The following EHBP1 variants were observed in gnomAD, a reference collection of about 807,000 sequenced individuals.
The protein encoded by EHBP1 is EH domain-binding protein 1.
Under a neutral mutation model 144.0 loss-of-function variants are expected in EHBP1, and 55 were observed. That is an observed-to-expected ratio of 0.38 (90% CI 0.31 to 0.48). The LOEUF is 0.48. EHBP1 is among the 20% of genes least tolerant of loss of function. EHBP1 has a pLI of 0.98. For synonymous variants in EHBP1, 469 were observed against 472.7 expected, an observed-to-expected ratio of 0.99 and a Z score of 0.10; for missense variants, 1,200 against 1,364.2, an observed-to-expected ratio of 0.88 and a Z score of 1.90.
chr2:62,735,979 C>G (rs941836962), intron 2 of EHBP1, among the ~76,000 whole-genome samples: 2 of 151,692 alleles, frequency 1.3e-5, no homozygotes, highest in Non-Finnish European at 2.9e-5. Context: ...ATGGATATGC[C>G]TAAGTGTAGG....
intron 2 of EHBP1, among the ~76,000 whole-genome samples, chr2:62,707,709 C>T (rs2034738257): frequency 6.6e-6 from 1 of 152,064 alleles, no homozygotes; most frequent in Non-Finnish European, 1.5e-5. Context: ...AGTCTATATT[C>T]TTGTGGGGTG....
intron 19 of EHBP1, among the ~76,000 whole-genome samples, chr2:63,011,005 C>G (rs1226829848): frequency 6.6e-6 from 1 of 151,368 alleles, no homozygotes; most frequent in African/African-American, 2.4e-5. Context: ...AAAACTGAGG[C>G]CAACAAATAA....
chr2:62,698,404 A>G (rs572127608), intron 1 of EHBP1, among the ~76,000 whole-genome samples: 1 of 152,234 alleles, frequency 6.6e-6, no homozygotes. Flanking sequence ...GGGCTCTCTC[A>G]ATATAGGTAA....
chr2:62,950,298 A>G (rs1009769638), intron 13 of EHBP1, among the ~76,000 whole-genome samples: 10 of 152,174 alleles, frequency 6.6e-5, no homozygotes, highest in African/African-American at 2.4e-4. Context: ...GTTTGCCTTT[A>G]TCACTCTCAT....
chr2:62,878,087 C>A (rs190487561), intron 10 of EHBP1, among the ~76,000 whole-genome samples: 1 of 152,098 alleles, frequency 6.6e-6, no homozygotes, highest in East Asian at 1.9e-4. Context: ...ACAGACTGCT[C>A]GTTAGGCTAG....
chr2:62,730,916 C>A (rs370328537), intron 2 of EHBP1, among the ~76,000 whole-genome samples: 33 of 139,592 alleles, frequency 2.4e-4, no homozygotes, highest in African/African-American at 7.8e-4. Context: ...GTGAGAGAGA[C>A]AGGTAGAGAG....
chr2:62,729,870 G>T (rs556011609), intron 2 of EHBP1, among the ~76,000 whole-genome samples: 10 of 151,766 alleles, frequency 6.6e-5, no homozygotes, highest in Non-Finnish European at 1.2e-4. Flanking sequence ...TTGTTGTCCT[G>T]AGGTTTTTGC....
At chr2:62,985,821 T>A (rs2059163853) in intron 15 of EHBP1, among the ~76,000 whole-genome samples, 1 of 152,214 alleles carries the variant, frequency 6.6e-6, no homozygotes, top group African/African-American at 2.4e-5. Flanking sequence ...AATCTCTTTA[T>A]CTTTTGAATT....
At chr2:62,874,018 C>T (rs1302161706) in intron 9 of EHBP1, among the ~76,000 whole-genome samples, 1 of 152,124 alleles carries the variant, frequency 6.6e-6, no homozygotes, top group African/African-American at 2.4e-5. Context: ...TTTTTTACAT[C>T]TTACTTCCTT....
intron 19 of EHBP1, among the ~76,000 whole-genome samples, chr2:63,017,520 C>A (rs1007527085): frequency 1.5e-4 from 23 of 152,146 alleles, no homozygotes; most frequent in African/African-American, 5.6e-4. Flanking sequence ...CATTTGCAAC[C>A]AAACACTTGG....
chr2:62,874,593 T>A, intron 10 of EHBP1, 61 bp downstream of exon 10: 2 of 1,392,100 alleles, frequency 1.4e-6, no homozygotes, highest in Non-Finnish European at 1.9e-6. Context: ...CCGTGCCATT[T>A]AATTTAAATT....
intron 7 of EHBP1, 139 bp downstream of exon 7, chr2:62,831,297 C>G: frequency 2.6e-6 from 2 of 771,638 alleles, no homozygotes; most frequent in Non-Finnish European, 4.0e-6. Flanking sequence ...TAAAATATAC[C>G]ATTTAGTTCT....
chr2:62,937,440 A>G (rs1368593732), intron 10 of EHBP1, among the ~76,000 whole-genome samples: 2 of 152,248 alleles, frequency 1.3e-5, no homozygotes, highest in East Asian at 1.9e-4. Context: ...TGCTCAGTAT[A>G]TAGTTTATGA....
At chr2:62,782,450 T>C (rs2042501532) in intron 5 of EHBP1, among the ~76,000 whole-genome samples, 1 of 152,204 alleles carries the variant, frequency 6.6e-6, no homozygotes, top group Non-Finnish European at 1.5e-5. Context: ...GTAGTAGTTG[T>C]ATTGGTTTGT....
intron 7 of EHBP1, among the ~76,000 whole-genome samples, chr2:62,835,517 G>A (rs1483778514): frequency 1.3e-5 from 2 of 152,218 alleles, no homozygotes; most frequent in Non-Finnish European, 2.9e-5. Flanking sequence ...AACAGCTCCG[G>A]TCTACAGCTC....
At chr2:62,827,266 G>A (rs1014293896) in intron 6 of EHBP1, among the ~76,000 whole-genome samples, 1 of 152,328 alleles carries the variant, frequency 6.6e-6, no homozygotes, top group African/African-American at 2.4e-5. Flanking sequence ...GTGTGGTAGA[G>A]AGACAGTGCA....
At chr2:62,876,968 C>A (rs2050937926) in intron 10 of EHBP1, among the ~76,000 whole-genome samples, 1 of 152,178 alleles carries the variant, frequency 6.6e-6, no homozygotes, top group Non-Finnish European at 1.5e-5. Flanking sequence ...AGCTTAACAA[C>A]ACAATGATAG....
At chr2:62,835,655 C>G (rs1311668498) in intron 7 of EHBP1, among the ~76,000 whole-genome samples, 2 of 152,172 alleles carry the variant, frequency 1.3e-5, no homozygotes, top group Non-Finnish European at 2.9e-5. Flanking sequence ...CGAGCCGAAG[C>G]AGGGCGAGGC....
intron 5 of EHBP1, among the ~76,000 whole-genome samples, chr2:62,783,886 G>C (rs993564411): frequency 2.6e-5 from 4 of 152,142 alleles, no homozygotes; most frequent in African/African-American, 9.7e-5. Context: ...CAGAAAATGG[G>C]GTTTTCTTTT....
Sources: allele counts gnomAD v4.1 joint callset (sites outside exome capture counted in the v4.1 genomes callset), GRCh38; gene constraint gnomAD v4.1.1; transcripts MANE v1.5; gene names NCBI Gene and HGNC (gene_info 2026-07-23, HGNC 2026-07-21).